The following ASAH2 variants were observed in gnomAD, a reference collection of about 807,000 sequenced individuals.
ASAH2 encodes the protein neutral ceramidase.
In ASAH2, 58 loss-of-function variants were observed where a neutral mutation model predicts 82.9. The ratio of observed to expected loss-of-function variants is 0.70; its 90% CI spans 0.57 to 0.87. The LOEUF is 0.87. ASAH2 is among the 40% of genes least tolerant of loss of function. ASAH2 has a pLI of 0.00. For missense variants in ASAH2, 779 were observed against 834.0 expected (o/e 0.93, Z 0.81); for synonymous variants, 276 against 289.7 (o/e 0.95, Z 0.48).
chr10:50,235,957 G>A lies in ASAH2; in HGVS notation c.618C>T (p.Thr206=), dbSNP rs1054984563. 16 of 1,613,342 alleles carry A rather than the reference G, an allele frequency of 9.9e-6. No individual in the cohort carries two copies. The highest frequency in any genetic ancestry group is 6.7e-5 in the Admixed American group (4 of 59,944). Residue 206 remains threonine (T), a synonymous_variant, in exon 5 of 21, where the codon ACC becomes ACT. Coordinates refer to ENST00000682911, the MANE Select transcript of ASAH2 (RefSeq NM_019893.4). The stretch of plus-strand genomic sequence containing the variant: ...ATCCTTCACTGGCAATTACAAACAC[G>A]GTATACTGGAAATATCCTGCAGGAC... The part of the protein sequence containing the change: ...HSGPAGYFQY[T]VFVIASEGFS...
At chr10:50,240,144 C>T (rs1846259820) in intron 4 of ASAH2, among the ~76,000 whole-genome samples, 1 of 152,040 alleles carries the variant, frequency 6.6e-6, no homozygotes, top group Admixed American at 6.6e-5. Context: ...CATTTAATTT[C>T]CTATCCCACC....
At chr10:50,212,448 AAAAAG>A (rs1845481218) in intron 10 of ASAH2, among the ~76,000 whole-genome samples, 1 of 152,096 alleles carries the variant, frequency 6.6e-6, no homozygotes, top group African/African-American at 2.4e-5. Context: ...AAAGTTTTGT[AAAAAG>A]AAAAGAATAG....
At chr10:50,237,060 G>C (rs922014900) in intron 4 of ASAH2, among the ~76,000 whole-genome samples, 1 of 152,158 alleles carries the variant, frequency 6.6e-6, no homozygotes, top group African/African-American at 2.4e-5. Context: ...CTTCTAATGA[G>C]GGGCTCTCTT....
chr10:50,225,493 A>C (rs1223507885), intron 7 of ASAH2, among the ~76,000 whole-genome samples: 1 of 152,198 alleles, frequency 6.6e-6, no homozygotes, highest in Non-Finnish European at 1.5e-5. Flanking sequence ...AATGGCCAAT[A>C]GACTATTGTT....
intron 4 of ASAH2, among the ~76,000 whole-genome samples, chr10:50,242,766 G>T (rs1438941892): frequency 6.6e-6 from 1 of 152,082 alleles, no homozygotes; most frequent in African/African-American, 2.4e-5. Flanking sequence ...CCAATTCACG[G>T]TCAACCTCAT....
Position 50,211,129 on chromosome 10 carries a change from G to C in ASAH2, c.1233C>G (p.Leu411=). Residue 411 remains leucine, a synonymous_variant, in exon 11 of 21, where the codon CTC becomes CTG. Coordinates refer to ENST00000682911, the MANE Select transcript of ASAH2 (RefSeq NM_019893.4). ...TTACCTCCTGGGAGGCAGAGGCATA[G>C]AGTTCCTAGAAAACACACAGGCTTA... The part of the protein sequence containing the change: ...GRAMYQRAKE[L]YASASQEVTG... The C allele has an allele frequency of 6.2e-7, 1 of 1,611,382 alleles. No individual in the cohort carries two copies. The highest frequency in any genetic ancestry group is 8.5e-7 in the Non-Finnish European group (1 of 1,177,736).
chr10:50,243,125 T>A (rs1846347236), intron 4 of ASAH2, 77 bp downstream of exon 4: 2 of 1,522,732 alleles, frequency 1.3e-6, no homozygotes, highest in South Asian at 2.4e-5. Flanking sequence ...CCAAGAGGAA[T>A]TATTTCCTGT....
intron 7 of ASAH2, among the ~76,000 whole-genome samples, chr10:50,223,703 T>A (rs981560167): frequency 2.0e-5 from 3 of 152,142 alleles, no homozygotes; most frequent in African/African-American, 7.2e-5. Context: ...GTTTTATAGA[T>A]GTAATCAAGG....
At chr10:50,242,633 T>TCTCC (rs1316678168) in intron 4 of ASAH2, among the ~76,000 whole-genome samples, 1 of 150,946 alleles carries the variant, frequency 6.6e-6, no homozygotes, top group East Asian at 1.9e-4. Flanking sequence ...GCTTTCTATC[T>TCTCC]CTCTCTCTCT....
chr10:50,207,215 T>C (rs1845323916), intron 12 of ASAH2, among the ~76,000 whole-genome samples: 1 of 151,866 alleles, frequency 6.6e-6, no homozygotes, highest in Non-Finnish European at 1.5e-5. Flanking sequence ...AATGCCCATA[T>C]ATTAAGAAAG....
At chr10:50,234,011 T>C (rs1846082507) in intron 6 of ASAH2, among the ~76,000 whole-genome samples, 1 of 152,158 alleles carries the variant, frequency 6.6e-6, no homozygotes, top group East Asian at 1.9e-4. Flanking sequence ...AAAAGAGCTA[T>C]TCATTAATTT....
intron 7 of ASAH2, among the ~76,000 whole-genome samples, chr10:50,220,753 T>A (rs2133214586): frequency 6.8e-6 from 1 of 146,074 alleles, no homozygotes; most frequent in East Asian, 2.0e-4. Flanking sequence ...AACCCGCAAA[T>A]GTACTCCTGA....
chr10:50,206,062 G>T lies in ASAH2; in HGVS notation c.1450C>A (p.Arg484=). ...GATGGCTTTCCCAGGATCTGGTCCC[G>T]AATGGTGTCCCAAAATGGATCCCCT... ...TEGDPFWDTI[R]DQILGKPSEE... Residue 484 remains arginine (R), a synonymous_variant, in exon 13 of 21, where the codon CGG becomes AGG. Transcript: ENST00000682911. 1.2e-6 allele frequency: 2 copies of T among 1,612,512 alleles called. No homozygotes were observed. Among genetic ancestry groups the T allele is most frequent in the Non-Finnish European group, 1.7e-6 (2 of 1,178,818 alleles).
intron 7 of ASAH2, among the ~76,000 whole-genome samples, chr10:50,231,963 A>G (rs1846031038): frequency 6.6e-6 from 1 of 152,148 alleles, no homozygotes; most frequent in Non-Finnish European, 1.5e-5. Flanking sequence ...GGGTATTACT[A>G]TTCCCATTTT....
At chr10:50,200,659 C>T (rs1485539599) in intron 16 of ASAH2, among the ~76,000 whole-genome samples, 1 of 152,012 alleles carries the variant, frequency 6.6e-6, no homozygotes, top group Non-Finnish European at 1.5e-5. Flanking sequence ...TACTAGACCC[C>T]CAGCTTCCAG....
chr10:50,233,935 C>T (rs1291292788), intron 6 of ASAH2, among the ~76,000 whole-genome samples: 2 of 151,980 alleles, frequency 1.3e-5, no homozygotes, highest in Non-Finnish European at 2.9e-5. Context: ...ATTCTTTATC[C>T]TTTTATTTTC....
At chr10:50,222,695 AAG>A in intron 7 of ASAH2, among the ~76,000 whole-genome samples, 1 of 152,330 alleles carries the variant, frequency 6.6e-6, no homozygotes, top group African/African-American at 2.4e-5. Flanking sequence ...GAAGGAAAGG[AAG>A]ATGTCATATT....
At chr10:50,244,228 A>G (rs1846384372) in intron 3 of ASAH2, among the ~76,000 whole-genome samples, 1 of 152,304 alleles carries the variant, frequency 6.6e-6, no homozygotes, top group East Asian at 1.9e-4. Context: ...GTCCATGATT[A>G]GCCATCTCTC....
intron 16 of ASAH2, among the ~76,000 whole-genome samples, chr10:50,200,834 A>G (rs1845128542): frequency 6.6e-6 from 1 of 152,146 alleles, no homozygotes; most frequent in African/African-American, 2.4e-5. Context: ...AATATTGGGT[A>G]GAAGAGAGTG....
Sources: gnomAD v4.1 joint callset for allele counts (sites outside exome capture counted in the v4.1 genomes callset) on GRCh38, gnomAD v4.1.1 for gene constraint, MANE v1.5 for transcripts, NCBI Gene and HGNC (gene_info 2026-07-23, HGNC 2026-07-21) for gene names.